RNF20: variants seen among roughly 807,000 people sequenced by gnomAD.
RNF20 encodes the protein ring finger protein 20.
A neutral mutation model predicts 126.2 loss-of-function variants in RNF20; 84 were observed. The observed-to-expected ratio is 0.67, with a 90% CI of 0.56 to 0.80. RNF20 has a LOEUF of 0.80. Among genes scored for constraint, RNF20 ranks in the 30% least tolerant of loss-of-function variants. The pLI is 0.00. For synonymous variants in RNF20, 400 were observed against 414.3 expected, an observed-to-expected ratio of 0.97 and a Z score of 0.42; for missense variants, 869 against 1,188.2, an observed-to-expected ratio of 0.73 and a Z score of 3.95.
intron 2 of RNF20, among the ~76,000 whole-genome samples, chr9:101,539,214 A>G (rs1827224942): frequency 6.6e-6 from 1 of 152,172 alleles, no homozygotes; most frequent in South Asian, 2.1e-4. Flanking sequence ...CTTGATAAAG[A>G]AATATTTCTA....
At chr9:101,547,670 G>A (rs1827374221) in intron 9 of RNF20, 152 bp downstream of exon 9, 3 of 892,088 alleles carry the variant, frequency 3.4e-6, no homozygotes, top group Non-Finnish European at 5.0e-6. Context: ...AACAAATTAG[G>A]TGTAAAGAAG....
chr9:101,542,644 A>G (rs1588217723), intron 5 of RNF20, among the ~76,000 whole-genome samples: 1 of 152,314 alleles, frequency 6.6e-6, no homozygotes, highest in East Asian at 1.9e-4. Context: ...GTTAGAAGGT[A>G]TTGTTAAATT....
rs764054966 is a variant in RNF20 at position 101,546,958 on chromosome 9, C to G, written c.886C>G (p.Leu296Val). The G allele has an allele frequency of 6.2e-7, 1 of 1,614,028 alleles. No individual in the cohort carries two copies. Among genetic ancestry groups the G allele is most frequent in the African/African-American group, 1.3e-5 (1 of 75,004 alleles). The change falls in exon 7 of 20, where the codon CTA becomes GTA. Residue 296 changes from leucine (L) to valine (V), a missense_variant. Physicochemically the swap from Leu to Val is conservative, Grantham distance 32 (BLOSUM62 1). Coordinates refer to ENST00000389120, the MANE Select transcript of RNF20 (RefSeq NM_019592.7). ...QRLNRHLAEV[L>V]ERVNSKGYKV... ...ACTCAACCGACACTTAGCAGAAGTCCTAGAACGGGTCAGTGCTGTTTTATG... is the reference window on the plus strand; with the variant it reads ...ACTCAACCGACACTTAGCAGAAGTCGTAGAACGGGTCAGTGCTGTTTTATG...
At position 101,554,093 on chromosome 9, in the gene RNF20, G is replaced by A. The variant is rs1245842574; in HGVS notation, c.2007G>A (p.Lys669=). ...TTCAGCTGATGGCAGCTGAGAAGAA[G>A]TCTAAGGCAGAGGTATTCTAGTCTG... is the stretch of plus-strand genomic sequence containing the variant. ...DKVQLMAAEK[K]SKAELEDLRQ... Residue 669 remains lysine, a synonymous_variant, in exon 14 of 20, where the codon AAG becomes AAA. Coordinates refer to ENST00000389120, the MANE Select transcript of RNF20 (RefSeq NM_019592.7). 3 of 1,599,634 alleles carry A rather than the reference G, an allele frequency of 1.9e-6. No homozygotes were observed. In the South Asian group the frequency reaches 3.3e-5, roughly 18 times the overall value.
chr9:101,549,245 A>T (rs947773999), intron 9 of RNF20, among the ~76,000 whole-genome samples: 3 of 152,224 alleles, frequency 2.0e-5, no homozygotes, highest in Admixed American at 2.0e-4. Flanking sequence ...AAGGAGAGCA[A>T]GCCATCTCCA....
chr9:101,557,162 A>T (rs1346065675), intron 15 of RNF20, among the ~76,000 whole-genome samples: 1 of 152,236 alleles, frequency 6.6e-6, no homozygotes, highest in East Asian at 1.9e-4. Flanking sequence ...AATTTAACTG[A>T]CGTTGAGTAC....
chr9:101,547,389 T>C lies in RNF20; in HGVS notation c.973-10T>C. 2 of 1,613,922 alleles carry C rather than the reference T, an allele frequency of 1.2e-6. No individual in the cohort carries two copies. The highest frequency in any genetic ancestry group is 1.7e-6 in the Non-Finnish European group (2 of 1,179,896). On this transcript the variant is annotated splice_polypyrimidine_tract_variant and intron_variant, in intron 8 of 19. Transcript: ENST00000389120. ...ACTTATTTATTCTCTATTTTTCTGCTTCTCTGCAGTTTGAGGAAATGAATG... is the reference window on the plus strand; with the variant it reads ...ACTTATTTATTCTCTATTTTTCTGCCTCTCTGCAGTTTGAGGAAATGAATG...
chr9:101,543,066 C>T (rs576010412), intron 5 of RNF20, among the ~76,000 whole-genome samples: 47 of 152,330 alleles, frequency 3.1e-4, no homozygotes, highest in African/African-American at 9.4e-4. Flanking sequence ...ATTTCTACCA[C>T]GCCATTCCTC....
intron 10 of RNF20, 64 bp downstream of exon 10, chr9:101,550,849 T>G (rs565183212): frequency 2.1e-6 from 3 of 1,395,624 alleles, no homozygotes; most frequent in Non-Finnish European, 3.1e-6. Flanking sequence ...ACAATTTTAC[T>G]CCCTCATGTG....
rs1372706363 is a variant in RNF20, at chr9:101,535,255, G to A, written c.-26-143G>A. Reference sequence around the variant, plus strand: ...TTAATTTTTTTTTTTTTTCCTCAAAGAGAAATATGGAGATGGTTGTGGAAT... The same window carrying A: ...TTAATTTTTTTTTTTTTTCCTCAAAAAGAAATATGGAGATGGTTGTGGAAT... On this transcript the variant is annotated intron_variant, in intron 1 of 19. Transcript: ENST00000389120. 2.1e-5 allele frequency: 10 copies of A among 483,436 alleles called. 2 individuals are homozygous for A. In the South Asian group the frequency reaches 4.2e-4, roughly 20 times the overall value. 29.9% of individuals were successfully genotyped at this position (483,436 alleles called of 1,614,324 possible). A position where few individuals can be genotyped will look rare whatever the true frequency, so the allele number is the denominator to read the frequency against.
intron 1 of RNF20, among the ~76,000 whole-genome samples, chr9:101,534,688 A>G (rs1002139541): frequency 6.6e-6 from 1 of 152,188 alleles, no homozygotes; most frequent in African/African-American, 2.4e-5. Context: ...TTTAGTAGGC[A>G]TTTCACAGAT....
Position 101,540,788 on chromosome 9 carries a change from C to G in RNF20, c.446-5C>G. 1 of 1,612,674 alleles carries G rather than the reference C, an allele frequency of 6.2e-7. No homozygotes were observed. The highest frequency in any genetic ancestry group is 8.5e-7 in the Non-Finnish European group (1 of 1,179,804). On this transcript the variant is annotated splice_polypyrimidine_tract_variant and splice_region_variant and intron_variant, in intron 4 of 19. Coordinates refer to ENST00000389120, the MANE Select transcript of RNF20 (RefSeq NM_019592.7). ...GGGCTTCTTTTTTTCCCCCTGTGTCCTCAGGGGAAGGGCAAGAGCCAGCTT... is the reference window on the plus strand; with the variant it reads ...GGGCTTCTTTTTTTCCCCCTGTGTCGTCAGGGGAAGGGCAAGAGCCAGCTT...
rs59346028 is a variant in RNF20 at position 101,552,733 on chromosome 9, A to G, written c.1881A>G (p.Lys627=). 1.5e-3 allele frequency: 2,348 copies of G among 1,607,970 alleles called. 40 individuals carry two copies. In the African/African-American group the frequency reaches 0.028, roughly 19 times the overall value. The stretch of plus-strand genomic sequence containing the variant: ...GGAAAAAGGAAGCAGAAATTATCAA[A>G]CAATTGAAGATTGAACTCAAGTAAG... The part of the protein sequence containing the change: ...DGRKKEAEII[K]QLKIELKKAQ... The change falls in exon 13 of 20, where the codon AAA becomes AAG. Residue 627 remains lysine, a synonymous_variant. Transcript: ENST00000389120.
At chr9:101,557,164 G>A (rs151260366) in intron 15 of RNF20, among the ~76,000 whole-genome samples, 110 of 152,278 alleles carry the variant, frequency 7.2e-4, no homozygotes, top group South Asian at 1.9e-3. Context: ...TTTAACTGAC[G>A]TTGAGTACAG....
At chr9:101,541,187 C>T (rs1256646002) in intron 5 of RNF20, among the ~76,000 whole-genome samples, 4 of 151,914 alleles carry the variant, frequency 2.6e-5, no homozygotes, top group Admixed American at 6.6e-5. Context: ...CTTTCTGCCT[C>T]AGCTTCCGAA....
At chr9:101,562,118 A>G in intron 19 of RNF20, 107 bp downstream of exon 19, 1 of 1,294,700 alleles carries the variant, frequency 7.7e-7, no homozygotes, top group South Asian at 1.4e-5. Context: ...TTTATTTTGG[A>G]GGTTGGGGGG....
At chr9:101,538,215 G>A (rs911881876) in intron 2 of RNF20, among the ~76,000 whole-genome samples, 8 of 152,152 alleles carry the variant, frequency 5.3e-5, no homozygotes, top group African/African-American at 1.9e-4. Context: ...GGAGTTGGTG[G>A]CTGAAGGAGG....
chr9:101,540,078 A>T, intron 2 of RNF20, 125 bp from the exon 3 acceptor site: 1 of 919,884 alleles, frequency 1.1e-6, no homozygotes, highest in Non-Finnish European at 1.6e-6. Context: ...TACTTGTAAG[A>T]TTTTTTAAAA....
chr9:101,562,536 A>G lies in RNF20; in HGVS notation c.*114A>G. On this transcript the variant is annotated 3_prime_UTR_variant, in exon 20 of 20. Coordinates refer to ENST00000389120, the MANE Select transcript of RNF20 (RefSeq NM_019592.7). ...CTGTAGGACAGTTTATCAGTCAACT[A>G]CCTTTCCTCCAGACTTTACTTCCAG... The G allele has an allele frequency of 2.0e-6, 2 of 984,590 alleles. No individual in the cohort carries two copies. The highest frequency in any genetic ancestry group is 2.9e-6 in the Non-Finnish European group (2 of 688,736). The allele number at this position is 984,590 out of a possible 1,614,324, so 61.0% of individuals were successfully genotyped here. A position where few individuals can be genotyped will look rare whatever the true frequency, so the allele number is the denominator to read the frequency against.
Sources: gnomAD v4.1 joint callset for allele counts (sites outside exome capture counted in the v4.1 genomes callset) on GRCh38, gnomAD v4.1.1 for gene constraint, MANE v1.5 for transcripts, NCBI Gene and HGNC (gene_info 2026-07-23, HGNC 2026-07-21) for gene names.